CNTN1: variants seen among roughly 807,000 people sequenced by gnomAD.
The protein encoded by CNTN1 is contactin 1.
A neutral mutation model predicts 126.4 loss-of-function variants in CNTN1; 38 were observed. The observed-to-expected ratio is 0.30, with a 90% CI of 0.23 to 0.39. The LOEUF (loss-of-function observed/expected upper bound fraction) is 0.39. Ranked by LOEUF, CNTN1 falls within the 10% of genes least tolerant of loss-of-function variation. The pLI, the probability that CNTN1 is intolerant of heterozygous loss-of-function variation, is 1.00. For synonymous variants in CNTN1, 413 were observed against 422.6 expected, an observed-to-expected ratio of 0.98 and a Z score of 0.28; for missense variants, 1,009 against 1,248.4, an observed-to-expected ratio of 0.81 and a Z score of 2.89.
At chr12:40,897,454 T>C (rs921713594) in intron 1 of CNTN1, among the ~76,000 whole-genome samples, 1 of 152,158 alleles carries the variant, frequency 6.6e-6, no homozygotes, top group African/African-American at 2.4e-5. Flanking sequence ...GAAGTATTGA[T>C]TGATTGATAA....
At chr12:40,795,419 A>C (rs904186698) in intron 1 of CNTN1, among the ~76,000 whole-genome samples, 5 of 151,764 alleles carry the variant, frequency 3.3e-5, no homozygotes, top group African/African-American at 1.2e-4. Flanking sequence ...TATTAAGCAG[A>C]ATCTATACAT....
chr12:40,864,969 G>T (rs1361767159), intron 1 of CNTN1, among the ~76,000 whole-genome samples: 3 of 151,956 alleles, frequency 2.0e-5, no homozygotes, highest in Non-Finnish European at 4.4e-5. Context: ...CATGAATAAA[G>T]GTTCCTTTTT....
chr12:40,776,230 C>T (rs1939572040), intron 1 of CNTN1, among the ~76,000 whole-genome samples: 1 of 151,628 alleles, frequency 6.6e-6, no homozygotes, highest in Admixed American at 6.6e-5. Flanking sequence ...TAGAATTCTA[C>T]AACACTGTAA....
At chr12:41,041,559 T>C (rs1949410478) in intron 23 of CNTN1, among the ~76,000 whole-genome samples, 1 of 152,150 alleles carries the variant, frequency 6.6e-6, no homozygotes. Flanking sequence ...CTCTTTTTGG[T>C]TGGTAAACTA....
At chr12:40,869,945 C>T (rs1041480895) in intron 1 of CNTN1, among the ~76,000 whole-genome samples, 4 of 152,142 alleles carry the variant, frequency 2.6e-5, no homozygotes, top group Non-Finnish European at 2.9e-5. Context: ...ATAATTCCCA[C>T]GTGTTGTGGG....
chr12:40,910,091 G>T lies in CNTN1; in HGVS notation c.80G>T (p.Arg27Ile). The change falls in exon 3 of 24, where the codon AGA becomes ATA. Residue 27 changes from arginine to isoleucine, a missense_variant. Arg to Ile is a moderately conservative substitution (Grantham distance 97, BLOSUM62 -3). Transcript: ENST00000551295. ...TCLAEFTWYRRYGHGVSEEDK... is the reference protein window; with the variant it reads ...TCLAEFTWYRIYGHGVSEEDK... Reference sequence around the variant, plus strand: ...TTTTTAGAGTTTACATGGTATAGAAGATATGGTCATGGAGGTAAGTTGACC... The same window carrying T: ...TTTTTAGAGTTTACATGGTATAGAATATATGGTCATGGAGGTAAGTTGACC... 1 of 1,607,094 alleles carries T rather than the reference G, an allele frequency of 6.2e-7. No homozygotes were observed. The highest frequency in any genetic ancestry group is 8.5e-7 in the Non-Finnish European group (1 of 1,174,576).
At chr12:40,746,547 A>C (rs1263263500) in intron 1 of CNTN1, among the ~76,000 whole-genome samples, 1 of 152,074 alleles carries the variant, frequency 6.6e-6, no homozygotes, top group Admixed American at 6.6e-5. Flanking sequence ...GAAGAGGCCC[A>C]ATAGGTAACT....
intron 1 of CNTN1, among the ~76,000 whole-genome samples, chr12:40,765,915 A>G (rs937185058): frequency 6.6e-6 from 1 of 152,190 alleles, no homozygotes; most frequent in African/African-American, 2.4e-5. Flanking sequence ...AACAAACTAA[A>G]ACAAAATTTT....
chr12:40,938,122 G>T (rs114821041), intron 11 of CNTN1, among the ~76,000 whole-genome samples: 1,844 of 152,280 alleles, frequency 0.012, 32 homozygotes, highest in African/African-American at 0.042. Context: ...ACGGATGATT[G>T]TAATGTGTTG....
rs909113512 is a variant in CNTN1, at chr12:41,072,378, T to C, written c.*2343T>C. 6.6e-6 allele frequency: 1 copy of C among 152,242 alleles called. No homozygotes were observed. Among genetic ancestry groups the C allele is most frequent in the Non-Finnish European group, 1.5e-5 (1 of 68,038 alleles). 9.4% of individuals were successfully genotyped at this position (152,242 alleles called of 1,614,324 possible). A position where few individuals can be genotyped will look rare whatever the true frequency, so the allele number is the denominator to read the frequency against. On this transcript the variant is annotated 3_prime_UTR_variant, in exon 24 of 24. Transcript: ENST00000551295. ...TCCTTTTTATGAATGAAAAAATTAG[T>C]ATAAAGTAATAAATGTCTTATGTTA... is the stretch of plus-strand genomic sequence containing the variant.
rs1950136914 is a variant in CNTN1, at chr12:41,070,395, T to C, written c.*360T>C. 3.1e-6 allele frequency: 1 copy of C among 317,714 alleles called. No individual in the cohort carries two copies. Among genetic ancestry groups the C allele is most frequent in the South Asian group, 3.1e-5 (1 of 32,476 alleles). 19.7% of individuals were successfully genotyped at this position (317,714 alleles called of 1,614,324 possible). ...GTCAAATCACCATATACAGGTGCTT[T>C]AAATTTAATAACAAGTTGTGAAATA... On this transcript the variant is annotated 3_prime_UTR_variant, in exon 24 of 24. Transcript: ENST00000551295.
intron 1 of CNTN1, among the ~76,000 whole-genome samples, chr12:40,892,942 G>T (rs1309502402): frequency 8.5e-6 from 1 of 117,424 alleles, no homozygotes; most frequent in African/African-American, 3.9e-5. Flanking sequence ...TGGAACTCAA[G>T]AAAAATGAAA....
Position 41,070,257 on chromosome 12 carries a change from T to G in CNTN1, c.*222T>G. 1.7e-6 allele frequency: 1 copy of G among 579,714 alleles called. No homozygotes were observed. Among genetic ancestry groups the G allele is most frequent in the Non-Finnish European group, 3.1e-6 (1 of 324,168 alleles). The allele number at this position is 579,714 out of a possible 1,614,324, so 35.9% of individuals were successfully genotyped here. ...TAAATGGATATAAATGATTTTTAAC[T>G]CGTTCCAATATGCCTTATAAACCAC... On this transcript the variant is annotated 3_prime_UTR_variant, in exon 24 of 24. Coordinates refer to ENST00000551295, the MANE Select transcript of CNTN1 (RefSeq NM_001843.4).
intron 17 of CNTN1, among the ~76,000 whole-genome samples, chr12:40,998,045 C>T (rs1948263579): frequency 6.6e-6 from 1 of 151,108 alleles, no homozygotes; most frequent in Admixed American, 6.6e-5. Context: ...ATGATTGGGG[C>T]TATTGGAAGT....
chr12:40,855,572 C>T (rs891600823), intron 1 of CNTN1, among the ~76,000 whole-genome samples: 2 of 151,898 alleles, frequency 1.3e-5, no homozygotes, highest in Non-Finnish European at 2.9e-5. Flanking sequence ...TAATTTTAAA[C>T]ATTTCCTATA....
chr12:41,025,091 T>G, intron 20 of CNTN1, 59 bp from the exon 21 acceptor site: 13 of 1,568,652 alleles, frequency 8.3e-6, no homozygotes, highest in Non-Finnish European at 1.1e-5. Flanking sequence ...TGAAGAGAAC[T>G]TTTCATAGCT....
chr12:41,032,326 C>T (rs1231654307), intron 23 of CNTN1, among the ~76,000 whole-genome samples: 1 of 150,796 alleles, frequency 6.6e-6, no homozygotes, highest in Non-Finnish European at 1.5e-5. Flanking sequence ...CGAAATCGCG[C>T]CACTGCACTC....
Position 40,929,962 on chromosome 12 carries a change from C to T in CNTN1, c.663C>T (p.Ser221=), listed in dbSNP as rs1437685014. ...CFVSSPSITK[S]VFSKFIPLIP... ...TTTCCAGTCCTTCTATTACAAAGAG[C>T]GTGTTCAGCAAATTCATCCCACTCA... The change falls in exon 7 of 24, where the codon AGC becomes AGT. Residue 221 remains serine (S), a synonymous_variant. Coordinates refer to ENST00000551295, the MANE Select transcript of CNTN1 (RefSeq NM_001843.4). 4 of 1,612,422 alleles carry T rather than the reference C, an allele frequency of 2.5e-6. No homozygotes were observed. Among genetic ancestry groups the T allele is most frequent in the Admixed American group, 3.3e-5 (2 of 59,892 alleles).
At chr12:40,737,591 C>T (rs1314684212) in intron 1 of CNTN1, among the ~76,000 whole-genome samples, 1 of 151,678 alleles carries the variant, frequency 6.6e-6, no homozygotes, top group Admixed American at 6.6e-5. Flanking sequence ...GCTTTATATT[C>T]GCCGGCAGCT....
Sources: allele counts gnomAD v4.1 joint callset (sites outside exome capture counted in the v4.1 genomes callset), GRCh38; gene constraint gnomAD v4.1.1; transcripts MANE v1.5; gene names NCBI Gene and HGNC (gene_info 2026-07-23, HGNC 2026-07-21).